CLMP: variants seen among roughly 807,000 people sequenced by gnomAD.
The protein encoded by CLMP is CXADR-like membrane protein.
A neutral mutation model predicts 45.2 loss-of-function variants in CLMP; 27 were observed. The observed-to-expected ratio is 0.60, with a 90% CI of 0.44 to 0.82. The LOEUF (loss-of-function observed/expected upper bound fraction) is 0.82. CLMP is among the 40% of genes least tolerant of loss of function. The probability of loss-of-function intolerance (pLI) is 0.00; values close to 1 mark genes in which losing one functional copy is unlikely to be tolerated. For synonymous variants in CLMP, 167 were observed against 171.4 expected (o/e 0.97, Z 0.20); for missense variants, 403 against 448.4 (o/e 0.90, Z 0.91).
At chr11:123,134,462 T>C (rs1435705349) in intron 1 of CLMP, among the ~76,000 whole-genome samples, 1 of 151,596 alleles carries the variant, frequency 6.6e-6, no homozygotes, top group Non-Finnish European at 1.5e-5. Context: ...CCCTGGTACT[T>C]AGGCAAAGGG....
chr11:123,164,739 GCTTATCCAT>G (rs1334638441), intron 1 of CLMP, among the ~76,000 whole-genome samples: 2 of 152,092 alleles, frequency 1.3e-5, no homozygotes, highest in African/African-American at 4.8e-5. Flanking sequence ...GAAGAGATGA[GCTTATCCAT>G]CTTCCTGTTC....
At chr11:123,124,019 G>C (rs1190420810) in intron 1 of CLMP, among the ~76,000 whole-genome samples, 1 of 152,110 alleles carries the variant, frequency 6.6e-6, no homozygotes, top group East Asian at 1.9e-4. Context: ...AAGAGAAAAG[G>C]AGCAGTGAGG....
At position 123,073,630 on chromosome 11, in the gene CLMP, T is replaced by C. The variant is rs1490536621; in HGVS notation, c.966A>G (p.Ala322=). The stretch of plus-strand genomic sequence containing the variant: ...GGGTGGCCAGCCCTGGCTGGGGTGC[T>C]GCGTCAGTTGACAGTGTCCGCTGGC... The part of the protein sequence containing the change: ...SRSQRTLSTD[A]APQPGLATQA... Residue 322 remains alanine, a synonymous_variant, in exon 7 of 7, where the codon GCA becomes GCG. Coordinates refer to ENST00000448775, the MANE Select transcript of CLMP (RefSeq NM_024769.5). 1.2e-6 allele frequency: 2 copies of C among 1,614,128 alleles called. No individual in the cohort carries two copies. Among genetic ancestry groups the C allele is most frequent in the East Asian group, 2.2e-5 (1 of 44,896 alleles).
intron 1 of CLMP, among the ~76,000 whole-genome samples, chr11:123,128,035 C>CAAAAAAA (rs35399534): frequency 2.2e-3 from 200 of 91,630 alleles, no homozygotes; most frequent in African/African-American, 2.8e-3. Flanking sequence ...GACTCTGTCT[C>CAAAAAAA]AAAAAAAAAA....
intron 4 of CLMP, 144 bp from the exon 5 acceptor site, chr11:123,083,351 G>A (rs1865827054): frequency 1.1e-6 from 1 of 897,836 alleles, no homozygotes; most frequent in Non-Finnish European, 1.7e-6. Flanking sequence ...TTGGGAACAT[G>A]AGAAGAAAGG....
In CLMP at chr11:123,070,970, G is replaced by A. The variant is rs1865664919; in HGVS notation, c.*2504C>T. 6.6e-6 allele frequency: 1 copy of A among 152,176 alleles called. No homozygotes were observed. The highest frequency in any genetic ancestry group is 2.4e-5 in the African/African-American group (1 of 41,434). The allele number at this position is 152,176 out of a possible 1,614,324, so 9.4% of individuals were successfully genotyped here. Reference sequence around the variant, plus strand: ...ACAAGAATTTTGTTTTTTGCACTATGTGACGACACGATTGTGAGAATTAAA... The same window carrying A: ...ACAAGAATTTTGTTTTTTGCACTATATGACGACACGATTGTGAGAATTAAA... On this transcript the variant is annotated 3_prime_UTR_variant, in exon 7 of 7. Transcript: ENST00000448775.
At chr11:123,178,670 T>C (rs1369390238) in intron 1 of CLMP, among the ~76,000 whole-genome samples, 2 of 152,218 alleles carry the variant, frequency 1.3e-5, no homozygotes, top group African/African-American at 4.8e-5. Context: ...ATAGGAGTGT[T>C]ACATTTGTAA....
At chr11:123,089,241 C>T (rs960995398) in intron 2 of CLMP, among the ~76,000 whole-genome samples, 2 of 151,728 alleles carry the variant, frequency 1.3e-5, no homozygotes, top group African/African-American at 4.8e-5. Flanking sequence ...AAAAATTAGC[C>T]GGGCATGGTG....
chr11:123,169,542 A>G (rs1233930586), intron 1 of CLMP, among the ~76,000 whole-genome samples: 1 of 152,174 alleles, frequency 6.6e-6, no homozygotes, highest in Non-Finnish European at 1.5e-5. Context: ...AACCCCTCTT[A>G]GATAGGGAGG....
chr11:123,143,812 AT>A lies in CLMP; in HGVS notation c.29-45861del, dbSNP rs60758870. On this transcript the variant is annotated intron_variant, in intron 1 of 6. Transcript: ENST00000448775. Reference sequence around the variant, plus strand: ...AACACCTTGACTATAGTCTTGTGAGATTTTTTTTTTTTTTGAGATGGAGTCT... The same window carrying A: ...AACACCTTGACTATAGTCTTGTGAGATTTTTTTTTTTTTGAGATGGAGTCT... Among the ~76,000 whole-genome samples the A allele has an allele frequency of 7.3e-3, 1,068 of 145,874 alleles. 15 individuals carry two copies. The highest frequency in any genetic ancestry group is 0.024 in the African/African-American group (932 of 39,574).
chr11:123,166,179 G>C (rs139361412), intron 1 of CLMP, among the ~76,000 whole-genome samples: 106 of 152,288 alleles, frequency 7.0e-4, no homozygotes, highest in South Asian at 2.1e-3. Context: ...AGGCCTGAAG[G>C]GGGAGCAGTC....
At chr11:123,185,691 C>A (rs939436927) in intron 1 of CLMP, among the ~76,000 whole-genome samples, 2 of 152,158 alleles carry the variant, frequency 1.3e-5, no homozygotes, top group Non-Finnish European at 1.5e-5. Flanking sequence ...CCGGACTCTG[C>A]CTGCCTGGCC....
At chr11:123,160,115 C>T (rs561739811) in intron 1 of CLMP, among the ~76,000 whole-genome samples, 4 of 151,694 alleles carry the variant, frequency 2.6e-5, no homozygotes, top group African/African-American at 9.7e-5. Flanking sequence ...CCTGTCTCTA[C>T]TAAAAAATAC....
chr11:123,160,329 T>C (rs958656240), intron 1 of CLMP, among the ~76,000 whole-genome samples: 2 of 122,304 alleles, frequency 1.6e-5, no homozygotes, highest in African/African-American at 6.2e-5. Context: ...TTTATTTCAA[T>C]AATCCAATTA....
At chr11:123,183,882 G>T (rs1406614563) in intron 1 of CLMP, among the ~76,000 whole-genome samples, 2 of 152,154 alleles carry the variant, frequency 1.3e-5, no homozygotes, top group Non-Finnish European at 2.9e-5. Flanking sequence ...TCCTGGTCAT[G>T]TGGGGCAGTA....
chr11:123,109,122 C>T (rs988812675), intron 1 of CLMP, among the ~76,000 whole-genome samples: 2 of 151,340 alleles, frequency 1.3e-5, no homozygotes, highest in Admixed American at 1.3e-4. Context: ...CCCTTCCCCT[C>T]TGTGAAAAAC....
intron 1 of CLMP, among the ~76,000 whole-genome samples, chr11:123,150,488 G>GAAA (rs1263238542): frequency 1.0e-4 from 5 of 47,838 alleles, no homozygotes; most frequent in Non-Finnish European, 2.2e-4. Flanking sequence ...AGAAAGGAAG[G>GAAA]AAGGAAGGAA....
intron 1 of CLMP, among the ~76,000 whole-genome samples, chr11:123,112,807 T>A (rs191268080): frequency 0.084 from 11,347 of 135,290 alleles, 566 homozygotes; most frequent in East Asian, 0.17. Flanking sequence ...GAAGTCTCGC[T>A]CTGTCACCCA....
chr11:123,179,811 C>T (rs1861745964), intron 1 of CLMP, among the ~76,000 whole-genome samples: 1 of 152,228 alleles, frequency 6.6e-6, no homozygotes, highest in African/African-American at 2.4e-5. Flanking sequence ...AACTCTGCCA[C>T]CAACTAGCTT....
Sources: allele counts gnomAD v4.1 joint callset (sites outside exome capture counted in the v4.1 genomes callset), GRCh38; gene constraint gnomAD v4.1.1; transcripts MANE v1.5; gene names NCBI Gene and HGNC (gene_info 2026-07-23, HGNC 2026-07-21).